ETFBKMT: variants seen among roughly 807,000 people sequenced by gnomAD.
ETFBKMT encodes the protein electron transfer flavoprotein beta subunit lysine methyltransferase.
A neutral mutation model predicts 18.3 loss-of-function variants in ETFBKMT; 13 were observed. The observed-to-expected ratio is 0.71, with a 90% confidence interval of 0.46 to 1.13. ETFBKMT has a LOEUF of 1.13. Among genes scored for constraint, ETFBKMT ranks in the 50% most tolerant of loss-of-function variants. The pLI, the probability that ETFBKMT is intolerant of heterozygous loss-of-function variation, is 0.00. For synonymous variants in ETFBKMT, 84 were observed against 107.9 expected, an observed-to-expected ratio of 0.78 and a Z score of 1.37; for missense variants, 293 against 306.2, an observed-to-expected ratio of 0.96 and a Z score of 0.32.
upstream of ETFBKMT, among the ~76,000 whole-genome samples, chr12:31,656,655 A>T (rs1262618877): frequency 6.6e-6 from 1 of 152,208 alleles, no homozygotes; most frequent in Non-Finnish European, 1.5e-5. Flanking sequence ...TCCTGCTAAT[A>T]GCTCATCCTT....
chr12:31,648,557 CTTTTTTTTTTTTT>C (rs764501978), intron 1 of ETFBKMT, among the ~76,000 whole-genome samples: 19,760 of 83,824 alleles, frequency 0.24, 1,950 homozygotes, highest in Middle Eastern at 0.42. Flanking sequence ...AGATGGGTTT[CTTTTTTTTTTTTT>C]TTTTTTTTTT....
upstream of ETFBKMT, among the ~76,000 whole-genome samples, chr12:31,656,108 G>T (rs995529672): frequency 2.0e-5 from 3 of 152,202 alleles, no homozygotes; most frequent in Admixed American, 6.5e-5. Flanking sequence ...GAGGCTAAAA[G>T]AGGTATGACA....
At chr12:31,658,957 G>A (rs1346386024), upstream of ETFBKMT, among the ~76,000 whole-genome samples, 1 of 143,282 alleles carries the variant, frequency 7.0e-6, no homozygotes, top group Non-Finnish European at 1.5e-5. Context: ...AATATACGGT[G>A]TCTATTTTGC....
chr12:31,658,926 CTTTTTT>C (rs10716608), upstream of ETFBKMT, among the ~76,000 whole-genome samples: 6 of 137,290 alleles, frequency 4.4e-5, no homozygotes, highest in African/African-American at 1.3e-4. Flanking sequence ...TATACTGTGT[CTTTTTT>C]TTTTTTTTTT....
chr12:31,667,296 A>G (rs1418939032), intron 3 of ETFBKMT, among the ~76,000 whole-genome samples: 1 of 152,204 alleles, frequency 6.6e-6, no homozygotes, highest in Non-Finnish European at 1.5e-5. Flanking sequence ...CGCCCAGCCA[A>G]GGGGTCTCAG....
chr12:31,654,593 T>C (rs1260062831), upstream of ETFBKMT, among the ~76,000 whole-genome samples: 2 of 152,058 alleles, frequency 1.3e-5, no homozygotes, highest in African/African-American at 2.4e-5. Context: ...TACTTAGCAA[T>C]ATAAAGGAAT....
chr12:31,665,373 G>C (rs1951181096), intron 2 of ETFBKMT, among the ~76,000 whole-genome samples: 1 of 152,216 alleles, frequency 6.6e-6, no homozygotes, highest in Admixed American at 6.5e-5. Context: ...TCTGGAGATG[G>C]ACTTTTTGTG....
intron 1 of ETFBKMT, chr12:31,660,159 C>T (rs1951103476): frequency 1.6e-5 from 1 of 63,528 alleles, no homozygotes; most frequent in Non-Finnish European, 2.8e-5. Flanking sequence ...GAGACTCTGT[C>T]TCAAAAAAAA....
chr12:31,672,452 G>T lies in ETFBKMT; in HGVS notation c.*4462G>T, dbSNP rs1951298334. 4.8e-6 allele frequency: 5 copies of T among 1,035,788 alleles called. No individual in the cohort carries two copies. The East Asian group carries it at 1.3e-4, about 27-fold the overall frequency. 64.2% of individuals were successfully genotyped at this position (1,035,788 alleles called of 1,614,324 possible). A position where few individuals can be genotyped will look rare whatever the true frequency, so the allele number is the denominator to read the frequency against. On this transcript the variant is annotated 3_prime_UTR_variant, in exon 4 of 4. Coordinates refer to ENST00000357721, the MANE Select transcript of ETFBKMT (RefSeq NM_001135863.2). ...AATGTTTCCTCATGTCTAACTGGAG[G>T]TGATGTTAATTATTATACAGTTATT...
Position 31,662,164 on chromosome 12 carries a change from C to A in ETFBKMT, c.211C>A (p.Leu71Ile), listed in dbSNP as rs150620751. The change falls in exon 2 of 4, where the codon CTT (leucine) becomes ATT (isoleucine). Residue 71 changes from leucine (L) to isoleucine (I), a missense_variant. Physicochemically the swap from Leu to Ile is conservative, Grantham distance 5. Transcript: ENST00000357721. ...GSLTPEIQLR[L>I]LTPRCKFWWE... ...CCTCACCCCTGAAATCCAGTTGCGGCTTTTGACCCCCAGATGCAAATTCTG... is the reference window on the plus strand; with the variant it reads ...CCTCACCCCTGAAATCCAGTTGCGGATTTTGACCCCCAGATGCAAATTCTG... The A allele has an allele frequency of 5.0e-6, 8 of 1,614,116 alleles. No homozygotes were observed. The highest frequency in any genetic ancestry group is 1.3e-5 in the African/African-American group (1 of 74,940).
chr12:31,658,977 T>A (rs1439863537), upstream of ETFBKMT, among the ~76,000 whole-genome samples: 5 of 150,278 alleles, frequency 3.3e-5, no homozygotes, highest in African/African-American at 1.2e-4. Flanking sequence ...CTCACCACTC[T>A]ATGCCCGGTG....
rs1951237389 is a variant in ETFBKMT, at chr12:31,669,425, G to A, written c.*1435G>A. ...ACTTTGGTGAGACAGGAAGGCTAGA[G>A]GCAGCTGGAGTTGGGTGCTTCCTTT... On this transcript the variant is annotated 3_prime_UTR_variant, in exon 4 of 4. Transcript: ENST00000357721. 6.6e-6 allele frequency: 1 copy of A among 152,266 alleles called. No homozygotes were observed. Among genetic ancestry groups the A allele is most frequent in the Admixed American group, 6.5e-5 (1 of 15,274 alleles). 9.4% of individuals were successfully genotyped at this position (152,266 alleles called of 1,614,324 possible). A position where few individuals can be genotyped will look rare whatever the true frequency, so the allele number is the denominator to read the frequency against.
chr12:31,650,302 C>T (rs1384564728), intron 1 of ETFBKMT, among the ~76,000 whole-genome samples: 1 of 152,048 alleles, frequency 6.6e-6, no homozygotes, highest in African/African-American at 2.4e-5. Context: ...CCACCAGTGC[C>T]ATGACAGTTT....
chr12:31,662,082 G>A lies in ETFBKMT; in HGVS notation c.129G>A (p.Leu43=). The A allele has an allele frequency of 1.2e-6, 2 of 1,614,130 alleles. No individual in the cohort carries two copies. The highest frequency in any genetic ancestry group is 1.7e-6 in the Non-Finnish European group (2 of 1,180,014). Residue 43 remains leucine, a synonymous_variant, in exon 2 of 4, where the codon TTG becomes TTA. Coordinates refer to ENST00000357721, the MANE Select transcript of ETFBKMT (RefSeq NM_001135863.2). The stretch of plus-strand genomic sequence containing the variant: ...CCTGGAGAGGAGCTGGAAGCTTTTT[G>A]GACCCTGAGATAAAGGCTTTCCTGG... ...QCPWRGAGSF[L]DPEIKAFLEE... is the part of the protein sequence containing the mutation.
In ETFBKMT at chr12:31,662,510, T is replaced by C. The variant is rs931940169; in HGVS notation, c.314+243T>C. On this transcript the variant is annotated intron_variant, in intron 2 of 3. Transcript: ENST00000357721. ...GTTTTCTTTTTTCTTTCTTTCTTTT[T>C]TTTTTTTTTTTTTGGTAGAGACAGG... is the stretch of plus-strand genomic sequence containing the variant. Among the ~76,000 whole-genome samples, 12 of 149,902 alleles carry C rather than the reference T, an allele frequency of 8.0e-5. No individual in the cohort carries two copies. The South Asian group carries it at 8.4e-4, about 10-fold the overall frequency.
At chr12:31,647,317 G>A (rs1950976941) in intron 1 of ETFBKMT, 1 of 152,268 alleles carries the variant, frequency 6.6e-6, no homozygotes, top group East Asian at 1.9e-4. Flanking sequence ...GTAAATCCCT[G>A]CCTTTGGCTC....
rs1951257074 is a variant in ETFBKMT, at chr12:31,670,915, T to C, written c.*2925T>C. On this transcript the variant is annotated 3_prime_UTR_variant, in exon 4 of 4. Coordinates refer to ENST00000357721, the MANE Select transcript of ETFBKMT (RefSeq NM_001135863.2). ...AAAACAGGCATCAGATGGTGATAGG[T>C]AGTAAGGAGAAAAAGAAGTAAGGGT... The C allele has an allele frequency of 6.6e-6, 1 of 151,996 alleles. No individual in the cohort carries two copies. Among genetic ancestry groups the C allele is most frequent in the African/African-American group, 2.4e-5 (1 of 41,438 alleles). 9.4% of individuals were successfully genotyped at this position (151,996 alleles called of 1,614,324 possible). A position where few individuals can be genotyped will look rare whatever the true frequency, so the allele number is the denominator to read the frequency against.
At chr12:31,653,208 CAAAA>C (rs33928613) in intron 1 of ETFBKMT, among the ~76,000 whole-genome samples, 1 of 95,370 alleles carries the variant, frequency 1.0e-5, no homozygotes. Context: ...GACTCCGTCT[CAAAA>C]AAAAAAAAAA....
At position 31,671,281 on chromosome 12, in the gene ETFBKMT, A is replaced by AT. The variant is rs1171488922; in HGVS notation, c.*3292dup. 6.6e-6 allele frequency: 1 copy of AT among 152,210 alleles called. No individual in the cohort carries two copies. The highest frequency in any genetic ancestry group is 1.5e-5 in the Non-Finnish European group (1 of 68,022). 9.4% of individuals were successfully genotyped at this position (152,210 alleles called of 1,614,324 possible). ...CAACATATATATCCACACTATAAAC[A>AT]TACCACATTTATAAATCTTGTAAGG... On this transcript the variant is annotated 3_prime_UTR_variant, in exon 4 of 4. Coordinates refer to ENST00000357721, the MANE Select transcript of ETFBKMT (RefSeq NM_001135863.2).
Sources: allele counts gnomAD v4.1 joint callset (sites outside exome capture counted in the v4.1 genomes callset), GRCh38; gene constraint gnomAD v4.1.1; transcripts MANE v1.5; gene names NCBI Gene and HGNC (gene_info 2026-07-23, HGNC 2026-07-21).